The following MGAM2 variants were observed in gnomAD, a reference collection of about 807,000 sequenced individuals.
MGAM2 encodes maltase-glucoamylase 2 (putative).
A neutral mutation model predicts 96.1 loss-of-function variants in MGAM2; 98 were observed. The ratio of observed to expected loss-of-function variants is 1.02; its 90% confidence interval spans 0.87 to 1.21. MGAM2 has a LOEUF of 1.21. Ranked by LOEUF, MGAM2 falls within the 50% of genes most tolerant of loss-of-function variation. The probability of loss-of-function intolerance (pLI) is 0.00; values close to 1 mark genes in which losing one functional copy is unlikely to be tolerated. For synonymous variants in MGAM2, 749 were observed against 414.8 expected (o/e 1.81, Z -9.79); for missense variants, 2,055 against 1,182.4 (o/e 1.74, Z -10.82).
At chr7:142,166,572 G>T (rs1031542538) in intron 25 of MGAM2, among the ~76,000 whole-genome samples, 2 of 152,156 alleles carry the variant, frequency 1.3e-5, no homozygotes, top group Admixed American at 6.5e-5. Flanking sequence ...GAAGGGTAAG[G>T]TCAGGCTGTT....
chr7:142,133,098 A>G (rs1025899449), intron 6 of MGAM2, among the ~76,000 whole-genome samples: 1 of 136,106 alleles, frequency 7.3e-6, no homozygotes, highest in African/African-American at 2.7e-5. Context: ...TATTTAATAG[A>G]CATTAATTTA....
intron 1 of MGAM2, 69 bp from the exon 2 acceptor site, chr7:142,116,805 G>A: frequency 2.9e-6 from 2 of 696,902 alleles, no homozygotes; most frequent in South Asian, 1.5e-5. Context: ...TGGATACAAT[G>A]ATTATGTATC....
In MGAM2 at chr7:142,198,867, C is replaced by G. The variant is rs1797135965; in HGVS notation, c.5048+128C>G. On this transcript the variant is annotated intron_variant, in intron 44 of 47. Coordinates refer to ENST00000477922, the MANE Select transcript of MGAM2 (RefSeq NM_001293626.2). ...TAAATTGCCAAACAGCTTTACTGGT[C>G]AGATCCTGTGAGTGCTTTCTGAGTG... is the stretch of plus-strand genomic sequence containing the variant. 5 of 586,418 alleles carry G rather than the reference C, an allele frequency of 8.5e-6. No individual in the cohort carries two copies. The South Asian group carries it at 1.1e-4, about 13-fold the overall frequency. 36.3% of individuals were successfully genotyped at this position (586,418 alleles called of 1,614,324 possible).
At chr7:142,202,324 ACT>A (rs1385470961) in intron 45 of MGAM2, among the ~76,000 whole-genome samples, 2 of 152,260 alleles carry the variant, frequency 1.3e-5, no homozygotes, top group African/African-American at 4.8e-5. Context: ...TATAATTTCA[ACT>A]TTTATTTTAG....
chr7:142,202,974 C>T (rs1160502179), intron 45 of MGAM2, among the ~76,000 whole-genome samples: 1 of 151,908 alleles, frequency 6.6e-6, no homozygotes, highest in Admixed American at 6.6e-5. Flanking sequence ...GCCTTGCTAG[C>T]ATATGTTATT....
intron 7 of MGAM2, among the ~76,000 whole-genome samples, chr7:142,135,991 A>T (rs1353522151): frequency 6.6e-6 from 1 of 152,174 alleles, no homozygotes; most frequent in Non-Finnish European, 1.5e-5. Context: ...AACTTGATTG[A>T]GTTATAATTC....
chr7:142,142,480 G>A (rs1795257667), intron 12 of MGAM2, among the ~76,000 whole-genome samples: 1 of 149,322 alleles, frequency 6.7e-6, no homozygotes, highest in South Asian at 2.1e-4. Context: ...TTTAATCTAA[G>A]ATGTTGGCAG....
chr7:142,142,654 A>AT (rs1795267567), intron 12 of MGAM2, among the ~76,000 whole-genome samples: 1 of 150,176 alleles, frequency 6.7e-6, no homozygotes, highest in African/African-American at 2.5e-5. Flanking sequence ...GGTTCAAGCG[A>AT]TTCTCCTGCC....
intron 15 of MGAM2, among the ~76,000 whole-genome samples, chr7:142,151,682 G>T (rs1315896309): frequency 6.6e-6 from 1 of 152,168 alleles, no homozygotes; most frequent in Non-Finnish European, 1.5e-5. Context: ...TTTTGCCCGT[G>T]ACTCCATGTG....
rs1392967781 is a variant in MGAM2 at position 142,166,089 on chromosome 7, T to C, written c.2653-9T>C. The C allele has an allele frequency of 1.5e-6, 1 of 683,242 alleles. No homozygotes were observed. The highest frequency in any genetic ancestry group is 2.7e-6 in the Non-Finnish European group (1 of 375,340). The allele number at this position is 683,242 out of a possible 1,614,324, so 42.3% of individuals were successfully genotyped here. On this transcript the variant is annotated splice_polypyrimidine_tract_variant and intron_variant, in intron 24 of 47. Coordinates refer to ENST00000477922, the MANE Select transcript of MGAM2 (RefSeq NM_001293626.2). ...CTTCCTTTGTCACTGTGACTGTCTC[T>C]TTCCCCAGGTGGTAACCATCACTGA... is the stretch of plus-strand genomic sequence containing the variant.
Position 142,166,273 on chromosome 7 carries a change from T to C in MGAM2, c.2808+20T>C. On this transcript the variant is annotated intron_variant, in intron 25 of 47. Coordinates refer to ENST00000477922, the MANE Select transcript of MGAM2 (RefSeq NM_001293626.2). ...TGGGAGGTAAATGACCAGAAACAGA[T>C]TACCTCATTGATTAGGAAGTAATTA... 2 of 686,028 alleles carry C rather than the reference T, an allele frequency of 2.9e-6. No individual in the cohort carries two copies. The highest frequency in any genetic ancestry group is 5.3e-6 in the Non-Finnish European group (2 of 377,984). 42.5% of individuals were successfully genotyped at this position (686,028 alleles called of 1,614,324 possible).
chr7:142,149,368 C>A (rs1379962580), intron 15 of MGAM2, among the ~76,000 whole-genome samples: 2 of 152,186 alleles, frequency 1.3e-5, no homozygotes, highest in Non-Finnish European at 2.9e-5. Context: ...CCTCTGGCCT[C>A]TTCTCTTTAC....
chr7:142,114,149 A>G (rs202225623), intron 1 of MGAM2, among the ~76,000 whole-genome samples: 6 of 107,846 alleles, frequency 5.6e-5, no homozygotes, highest in Non-Finnish European at 9.1e-5. Context: ...AAAGAAAGAA[A>G]GAAGGAAAGA....
At chr7:142,195,103 C>A (rs895751679) in intron 37 of MGAM2, among the ~76,000 whole-genome samples, 2 of 152,078 alleles carry the variant, frequency 1.3e-5, no homozygotes, top group African/African-American at 4.8e-5. Context: ...AATGCTGTAG[C>A]TTTTATTTGG....
intron 24 of MGAM2, 59 bp from the exon 25 acceptor site, chr7:142,166,039 A>G (rs1234387894): frequency 1.7e-6 from 1 of 605,604 alleles, no homozygotes; most frequent in Non-Finnish European, 3.0e-6. Context: ...CCAGCCAAGA[A>G]CTCTTTCTGG....
chr7:142,145,193 T>C (rs1026339047), intron 14 of MGAM2, among the ~76,000 whole-genome samples: 4 of 152,190 alleles, frequency 2.6e-5, no homozygotes, highest in African/African-American at 9.7e-5. Flanking sequence ...CCTTCCAGTC[T>C]AGAATTCAAA....
At chr7:142,117,909 C>A (rs894935413) in intron 2 of MGAM2, among the ~76,000 whole-genome samples, 1 of 151,476 alleles carries the variant, frequency 6.6e-6, no homozygotes, top group Non-Finnish European at 1.5e-5. Context: ...CTGATTTATG[C>A]AGAGTAGTTC....
chr7:142,217,043 C>T (rs1239190480), intron 46 of MGAM2, among the ~76,000 whole-genome samples: 2 of 152,188 alleles, frequency 1.3e-5, no homozygotes, highest in African/African-American at 2.4e-5. Context: ...CCCATGCTTA[C>T]CAGGAGTTCC....
rs1362228775 is a variant in MGAM2, at chr7:142,196,012, G to A, written c.4347-142G>A. 4 of 641,910 alleles carry A rather than the reference G, an allele frequency of 6.2e-6. No individual in the cohort carries two copies. The East Asian group carries it at 1.1e-4, about 18-fold the overall frequency. The allele number at this position is 641,910 out of a possible 1,614,324, so 39.8% of individuals were successfully genotyped here. On this transcript the variant is annotated intron_variant, in intron 37 of 47. Transcript: ENST00000477922. ...GAAGTTTGTTGGGATCTTTAGCATG[G>A]CTTTGAGACAGCAGATTCTTTCAGG...
Sources: gnomAD v4.1 joint callset for allele counts (sites outside exome capture counted in the v4.1 genomes callset) on GRCh38, gnomAD v4.1.1 for gene constraint, MANE v1.5 for transcripts, NCBI Gene and HGNC (gene_info 2026-07-23, HGNC 2026-07-21) for gene names.